The following ERGIC1 variants were observed in gnomAD, a reference collection of about 807,000 sequenced individuals.
ERGIC1 encodes endoplasmic reticulum-golgi intermediate compartment 1.
A neutral mutation model predicts 38.3 loss-of-function variants in ERGIC1; 19 were observed. That is an observed-to-expected ratio of 0.50 (90% confidence interval 0.35 to 0.73). The LOEUF is 0.73. ERGIC1 is among the 30% of genes least tolerant of loss of function. The pLI is 0.01. For missense variants in ERGIC1, 294 were observed against 389.2 expected (o/e 0.76, Z 2.06); for synonymous variants, 124 against 157.6 (o/e 0.79, Z 1.60).
chr5:172,915,504 T>G (rs1763339281), intron 5 of ERGIC1: 1 of 457,876 alleles, frequency 2.2e-6, no homozygotes, highest in East Asian at 7.1e-5. Flanking sequence ...GGTTCACTGT[T>G]GTTTTGTCCT....
In ERGIC1 at chr5:172,926,629, AG is replaced by A; in HGVS notation, c.541+65del. On this transcript the variant is annotated intron_variant, in intron 7 of 9. Transcript: ENST00000393784. This position sits in a 1 kb window ranked among gnomAD's most constrained non-coding sequence, Gnocchi z 5.2. ...AAGATGCCCAGTACAGCAGGCAGGG[AG>A]GGGGAGGGCAGAGAGGTGGGGGTGC... 1 of 1,588,880 alleles carries A rather than the reference AG, an allele frequency of 6.3e-7. No homozygotes were observed. The highest frequency in any genetic ancestry group is 2.2e-5 in the East Asian group (1 of 44,782).
chr5:172,912,338 G>A lies in ERGIC1; in HGVS notation c.251-2376G>A, dbSNP rs573438318. ...AGGTCTCTGTGCCTCAGTTGCCCTA[G>A]ATGTAGAATGGGACTGATAATATTA... On this transcript the variant is annotated intron_variant, in intron 4 of 9. Transcript: ENST00000393784. Among the ~76,000 whole-genome samples, 21 of 152,286 alleles carry A rather than the reference G, an allele frequency of 1.4e-4. 1 individual carries two copies. The South Asian group carries it at 4.4e-3, about 32-fold the overall frequency.
At position 172,888,751 on chromosome 5, in the gene ERGIC1, G is replaced by A; in HGVS notation, c.73G>A (p.Gly25Arg). ...GGACCTTACGCAGCCAACGTACACCGGGGCCATTAGTGAGTAGCCAACCTC... is the reference window on the plus strand; with the variant it reads ...GGACCTTACGCAGCCAACGTACACCAGGGCCATTAGTGAGTAGCCAACCTC... ...PKDLTQPTYTGAIISICCCLF... is the reference protein window; with the variant it reads ...PKDLTQPTYTRAIISICCCLF... The change falls in exon 2 of 10, where the codon GGG becomes AGG. Residue 25 changes from glycine (G) to arginine (R), a missense_variant. Gly to Arg is a moderately radical substitution (Grantham distance 125, BLOSUM62 -2). This residue lies in a region of ERGIC1 where 163 missense variants were observed against 225.8 expected (regional missense o/e 0.72). Coordinates refer to ENST00000393784, the MANE Select transcript of ERGIC1 (RefSeq NM_001031711.3). 1.2e-6 allele frequency: 2 copies of A among 1,614,034 alleles called. No individual in the cohort carries two copies. Among genetic ancestry groups the A allele is most frequent in the Non-Finnish European group, 1.7e-6 (2 of 1,179,938 alleles).
chr5:172,865,516 C>T (rs1020401146), intron 1 of ERGIC1, among the ~76,000 whole-genome samples: 1 of 152,172 alleles, frequency 6.6e-6, no homozygotes, highest in Non-Finnish European at 1.5e-5. Context: ...CTTAAGTATA[C>T]AGCTCAATGG....
intron 5 of ERGIC1, chr5:172,915,199 G>A: frequency 1.6e-6 from 1 of 608,884 alleles, no homozygotes; most frequent in Non-Finnish European, 2.9e-6. Context: ...GGGTGTGATG[G>A]CGATAATAGT....
At position 172,864,710 on chromosome 5, in the gene ERGIC1, T is replaced by A. The variant is rs556404280; in HGVS notation, c.21-23989T>A. ...TCTGCAGTTGGTAAAAACATTGTTGTAGAGGGTTAAAGCATGAACCATATT... is the reference window on the plus strand; with the variant it reads ...TCTGCAGTTGGTAAAAACATTGTTGAAGAGGGTTAAAGCATGAACCATATT... On this transcript the variant is annotated intron_variant, in intron 1 of 9. Transcript: ENST00000393784. Among the ~76,000 whole-genome samples, 7 of 152,232 alleles carry A rather than the reference T, an allele frequency of 4.6e-5. No individual in the cohort carries two copies. The East Asian group carries it at 1.4e-3, about 29-fold the overall frequency.
At chr5:172,914,177 G>A (rs932771529) in intron 4 of ERGIC1, among the ~76,000 whole-genome samples, 8 of 147,944 alleles carry the variant, frequency 5.4e-5, no homozygotes, top group Non-Finnish European at 1.2e-4. Flanking sequence ...GGAGGTTGCA[G>A]TGAGTCGAGA....
intron 2 of ERGIC1, among the ~76,000 whole-genome samples, chr5:172,891,423 T>C (rs1315724970): frequency 6.6e-6 from 1 of 152,018 alleles, no homozygotes. Flanking sequence ...TTTCTAGAGT[T>C]TTAAAAAATA....
rs1325288505 is a variant in ERGIC1, at chr5:172,854,654, A to C, written c.20+20221A>C. On this transcript the variant is annotated intron_variant, in intron 1 of 9. Coordinates refer to ENST00000393784, the MANE Select transcript of ERGIC1 (RefSeq NM_001031711.3). ...CCTGCGATGGGAGGGCGTGCTGGCC[A>C]GGGCCGGTTCCCGCCTTGTTCCCTG... Among the ~76,000 whole-genome samples the C allele has an allele frequency of 2.6e-5, 4 of 152,250 alleles. No homozygotes were observed. In the East Asian group the frequency reaches 5.8e-4, roughly 22 times the overall value.
At chr5:172,931,472 C>G (rs1326528475) in intron 7 of ERGIC1, among the ~76,000 whole-genome samples, 1 of 152,212 alleles carries the variant, frequency 6.6e-6, no homozygotes, top group Non-Finnish European at 1.5e-5. Context: ...TCCATCCCTG[C>G]CTTCAGCAGC....
At chr5:172,873,366 C>G (rs1473925045) in intron 1 of ERGIC1, among the ~76,000 whole-genome samples, 1 of 152,240 alleles carries the variant, frequency 6.6e-6, no homozygotes, top group Non-Finnish European at 1.5e-5. Flanking sequence ...TGCCTTTCCT[C>G]TTCCTGTGCA....
At chr5:172,842,565 C>T (rs944349196) in intron 1 of ERGIC1, among the ~76,000 whole-genome samples, 5 of 152,148 alleles carry the variant, frequency 3.3e-5, no homozygotes, top group African/African-American at 1.2e-4. Flanking sequence ...TATGGTAGCT[C>T]TATTTTTAAT....
At chr5:172,903,070 C>T (rs926653929) in intron 3 of ERGIC1, among the ~76,000 whole-genome samples, 2 of 151,914 alleles carry the variant, frequency 1.3e-5, no homozygotes, top group Non-Finnish European at 2.9e-5. Context: ...GACTCCCTGA[C>T]GCCATCTGGC....
intron 9 of ERGIC1, among the ~76,000 whole-genome samples, chr5:172,939,523 CCCTT>C (rs979642996): frequency 1.3e-5 from 2 of 152,268 alleles, no homozygotes; most frequent in Admixed American, 6.5e-5. Flanking sequence ...ACGGGGAAGA[CCCTT>C]CCTTCGTCAG....
intron 9 of ERGIC1, among the ~76,000 whole-genome samples, chr5:172,942,155 T>C (rs947404059): frequency 3.3e-5 from 5 of 152,054 alleles, no homozygotes; most frequent in African/African-American, 1.2e-4. Context: ...GATCGTGCCA[T>C]TGCACTCTAG....
At chr5:172,911,893 C>T (rs971876353) in intron 4 of ERGIC1, among the ~76,000 whole-genome samples, 1 of 151,968 alleles carries the variant, frequency 6.6e-6, no homozygotes, top group East Asian at 1.9e-4. Context: ...CCTTCTTGTC[C>T]CAGCATGCCA....
chr5:172,904,889 C>T (rs888533105), intron 3 of ERGIC1, among the ~76,000 whole-genome samples: 4 of 152,228 alleles, frequency 2.6e-5, no homozygotes, highest in African/African-American at 9.6e-5. Flanking sequence ...GCAGCCAGTT[C>T]TGGCCTTACA....
chr5:172,927,518 C>T (rs519818), intron 7 of ERGIC1, among the ~76,000 whole-genome samples: 4,617 of 151,470 alleles, frequency 0.03, 245 homozygotes, highest in African/African-American at 0.11. Context: ...TACATAGCCA[C>T]GATTTTCTTA....
chr5:172,838,810 C>T (rs1322905254), intron 1 of ERGIC1, among the ~76,000 whole-genome samples: 1 of 152,200 alleles, frequency 6.6e-6, no homozygotes, highest in Non-Finnish European at 1.5e-5. Context: ...TAAGCCTCAG[C>T]CACCACAGGG....
Sources: allele counts gnomAD v4.1 joint callset (sites outside exome capture counted in the v4.1 genomes callset), GRCh38; gene constraint gnomAD v4.1.1; regional missense constraint gnomAD v4.1.1; non-coding constraint Gnocchi (gnomAD v3.1); transcripts MANE v1.5; gene names NCBI Gene and HGNC (gene_info 2026-07-23, HGNC 2026-07-21).